FAM120A: variants seen among roughly 807,000 people sequenced by gnomAD.
FAM120A encodes the protein family with sequence similarity 120 member A.
A neutral mutation model predicts 109.7 loss-of-function variants in FAM120A; 15 were observed. The observed-to-expected ratio is 0.14, with a 90% CI of 0.09 to 0.21. The LOEUF (loss-of-function observed/expected upper bound fraction) is 0.21. Ranked by LOEUF, FAM120A falls within the 10% of genes least tolerant of loss-of-function variation. FAM120A has a pLI of 1.00. For synonymous variants in FAM120A, 493 were observed against 572.8 expected (o/e 0.86, Z 1.99); for missense variants, 899 against 1,439.3 (o/e 0.62, Z 6.07).
rs1857323463 is a variant in FAM120A, at chr9:93,452,724, G to A, written c.474+335G>A. 1 of 1,598,360 alleles carries A rather than the reference G, an allele frequency of 6.3e-7. No homozygotes were observed. Among genetic ancestry groups the A allele is most frequent in the African/African-American group, 1.3e-5 (1 of 75,038 alleles). The stretch of plus-strand genomic sequence containing the variant: ...GTTTTTCCCATCCTATTTGAGGCGG[G>A]CAGGCTATCACTCACCTTCAACTTT... On this transcript the variant is annotated intron_variant, in intron 1 of 17. Coordinates refer to ENST00000277165, the MANE Select transcript of FAM120A (RefSeq NM_014612.5). The surrounding 1 kb of genome is among the most constrained non-coding windows in gnomAD (Gnocchi z 7.0).
chr9:93,529,622 G>A, intron 9 of FAM120A, 42 bp downstream of exon 9: 1 of 1,551,036 alleles, frequency 6.4e-7, no homozygotes, highest in African/African-American at 1.4e-5. Context: ...GTTATTTGAT[G>A]AGTGGCCATT....
At chr9:93,521,090 G>C (rs539337871) in intron 7 of FAM120A, among the ~76,000 whole-genome samples, 10 of 152,294 alleles carry the variant, frequency 6.6e-5, no homozygotes, top group African/African-American at 2.2e-4. Context: ...TCTGTTAGAG[G>C]AGGAGTTCTG....
chr9:93,492,914 A>G (rs1456740249), intron 3 of FAM120A, among the ~76,000 whole-genome samples: 2 of 152,228 alleles, frequency 1.3e-5, no homozygotes, highest in Non-Finnish European at 2.9e-5. Flanking sequence ...GTGGGATGGG[A>G]GTGAAGCAGG....
At chr9:93,509,346 C>T (rs993217039) in intron 5 of FAM120A, among the ~76,000 whole-genome samples, 27 of 152,240 alleles carry the variant, frequency 1.8e-4, no homozygotes, top group African/African-American at 6.5e-4. Context: ...TGGATGGCCT[C>T]GGGGGTTGGG....
intron 8 of FAM120A, 135 bp downstream of exon 8, chr9:93,527,377 C>A: frequency 1.5e-6 from 1 of 670,352 alleles, no homozygotes; most frequent in Non-Finnish European, 2.5e-6. Context: ...AGGGGATAAG[C>A]GGGAAAGGAA....
At chr9:93,467,810 T>C (rs1406963280) in intron 1 of FAM120A, among the ~76,000 whole-genome samples, 1 of 152,158 alleles carries the variant, frequency 6.6e-6, no homozygotes, top group Non-Finnish European at 1.5e-5. Flanking sequence ...AATAGGTAAT[T>C]CTGTTATGGG....
At chr9:93,555,572 T>A (rs1862259849) in intron 12 of FAM120A, among the ~76,000 whole-genome samples, 1 of 152,228 alleles carries the variant, frequency 6.6e-6, no homozygotes, top group African/African-American at 2.4e-5. Flanking sequence ...TGATCCTGGA[T>A]AATCCACAAA....
intron 10 of FAM120A, among the ~76,000 whole-genome samples, chr9:93,537,095 G>A (rs918927719): frequency 5.9e-5 from 9 of 152,214 alleles, no homozygotes; most frequent in Non-Finnish European, 1.2e-4. Context: ...AGATGAGTCC[G>A]GGGTCTGACG....
At position 93,499,031 on chromosome 9, in the gene FAM120A, C is replaced by T. The variant is rs191302265; in HGVS notation, c.1030+145C>T. The T allele has an allele frequency of 2.9e-4, 187 of 646,410 alleles. 1 individual carries two copies. The African/African-American group carries it at 3.0e-3, about 10-fold the overall frequency. The allele number at this position is 646,410 out of a possible 1,614,324, so 40.0% of individuals were successfully genotyped here. A position where few individuals can be genotyped will look rare whatever the true frequency, so the allele number is the denominator to read the frequency against. ...AGTAAGTATAGCCAAACTTCCTGGGCAGACTCAGTAGCAATCCCTGAAAAT... is the reference window on the plus strand; with the variant it reads ...AGTAAGTATAGCCAAACTTCCTGGGTAGACTCAGTAGCAATCCCTGAAAAT... On this transcript the variant is annotated intron_variant, in intron 5 of 17. Transcript: ENST00000277165.
intron 11 of FAM120A, among the ~76,000 whole-genome samples, chr9:93,549,261 T>G (rs908386248): frequency 6.6e-6 from 1 of 152,236 alleles, no homozygotes; most frequent in African/African-American, 2.4e-5. Context: ...TCCTTGAAAT[T>G]GCATTTACAT....
chr9:93,548,614 GAAATT>G (rs1309666919), intron 11 of FAM120A, among the ~76,000 whole-genome samples: 5 of 152,162 alleles, frequency 3.3e-5, no homozygotes, highest in Admixed American at 1.3e-4. Context: ...AAAATAAAAA[GAAATT>G]AAAATAAAAG....
At position 93,461,731 on chromosome 9, in the gene FAM120A, C is replaced by T. The variant is rs76225774; in HGVS notation, c.474+9342C>T. Among the ~76,000 whole-genome samples the T allele has an allele frequency of 6.8e-3, 1,035 of 152,058 alleles. 14 individuals are homozygous for T. The highest frequency in any genetic ancestry group is 0.024 in the African/African-American group (999 of 41,460). The stretch of plus-strand genomic sequence containing the variant: ...GGAAAAATCAAGCAGTTTTATAATT[C>T]GAACATCCCAAATCTGAAATGCTCC... On this transcript the variant is annotated intron_variant, in intron 1 of 17. Coordinates refer to ENST00000277165, the MANE Select transcript of FAM120A (RefSeq NM_014612.5).
chr9:93,562,642 T>C (rs1226349713), intron 17 of FAM120A, among the ~76,000 whole-genome samples: 2 of 150,958 alleles, frequency 1.3e-5, no homozygotes, highest in Admixed American at 6.6e-5. Context: ...TTGTAGTTTC[T>C]TTTTTTTTCT....
chr9:93,456,572 C>G (rs1857556583), intron 1 of FAM120A, among the ~76,000 whole-genome samples: 1 of 152,184 alleles, frequency 6.6e-6, no homozygotes, highest in African/African-American at 2.4e-5. Flanking sequence ...TTGCTAGATC[C>G]TTTCTCACAT....
intron 12 of FAM120A, 96 bp downstream of exon 12, chr9:93,550,787 T>C (rs1862070896): frequency 1.2e-6 from 1 of 821,134 alleles, no homozygotes; most frequent in African/African-American, 1.7e-5. Context: ...GCTAATTCTT[T>C]AAACTAATTG....
intron 1 of FAM120A, among the ~76,000 whole-genome samples, chr9:93,469,918 G>T (rs1019871625): frequency 6.6e-6 from 1 of 152,132 alleles, no homozygotes; most frequent in Non-Finnish European, 1.5e-5. Context: ...GAGAAGTGAG[G>T]TCCATTCTAC....
chr9:93,558,602 C>G lies in FAM120A; in HGVS notation c.2690C>G (p.Pro897Arg), dbSNP rs1209243292. The G allele has an allele frequency of 4.3e-6, 7 of 1,614,084 alleles. No individual in the cohort carries two copies. Among genetic ancestry groups the G allele is most frequent in the Non-Finnish European group, 4.2e-6 (5 of 1,180,038 alleles). The change falls in exon 15 of 18, where the codon CCC (proline) becomes CGC (arginine). Residue 897 changes from proline (P) to arginine (R), a missense_variant. Physicochemically the swap from Pro to Arg is moderately radical, Grantham distance 103. Coordinates refer to ENST00000277165, the MANE Select transcript of FAM120A (RefSeq NM_014612.5). ...ACAGGCGTCTGTGGCTTTGGAGGCCCCTATGGGGAAACGGTAGCAACAGGC... is the reference window on the plus strand; with the variant it reads ...ACAGGCGTCTGTGGCTTTGGAGGCCGCTATGGGGAAACGGTAGCAACAGGC... ...GFAGVCGFGG[P>R]YGETVATGPY...
chr9:93,561,881 G>A (rs1287808094), intron 16 of FAM120A, among the ~76,000 whole-genome samples: 3 of 152,116 alleles, frequency 2.0e-5, no homozygotes, highest in Non-Finnish European at 2.9e-5. Flanking sequence ...ATGTAGCTCA[G>A]GGGTAGAGCA....
chr9:93,494,276 C>G (rs1406525953), intron 3 of FAM120A, among the ~76,000 whole-genome samples: 1 of 152,224 alleles, frequency 6.6e-6, no homozygotes, highest in Non-Finnish European at 1.5e-5. Flanking sequence ...TTTGTTGCTT[C>G]AATCTTTCCT....
Sources: allele counts gnomAD v4.1 joint callset (sites outside exome capture counted in the v4.1 genomes callset), GRCh38; gene constraint gnomAD v4.1.1; non-coding constraint Gnocchi (gnomAD v3.1); transcripts MANE v1.5; gene names NCBI Gene and HGNC (gene_info 2026-07-23, HGNC 2026-07-21).